Variants in TXNDC11 observed in about 807,000 individuals in gnomAD.
TXNDC11 encodes the protein thioredoxin domain-containing protein 11.
In TXNDC11, 68 loss-of-function variants were observed where a neutral mutation model predicts 78.0. The observed-to-expected ratio is 0.87, with a 90% CI of 0.72 to 1.07. The LOEUF (loss-of-function observed/expected upper bound fraction) is 1.07, where lower values mean the gene tolerates loss of function less well. Among genes scored for constraint, TXNDC11 ranks in the 50% least tolerant of loss-of-function variants. The probability of loss-of-function intolerance (pLI) is 0.00; values close to 1 mark genes in which losing one functional copy is unlikely to be tolerated. For missense variants in TXNDC11, 1,389 were observed against 1,221.8 expected (o/e 1.14, Z -2.04); for synonymous variants, 571 against 495.2 (o/e 1.15, Z -2.03).
chr16:11,724,583 G>T (rs2051817808), intron 4 of TXNDC11, among the ~76,000 whole-genome samples: 1 of 152,060 alleles, frequency 6.6e-6, no homozygotes, highest in South Asian at 2.1e-4. Flanking sequence ...GGGCAACATG[G>T]CAAGACCTCA....
intron 5 of TXNDC11, chr16:11,703,767 A>G (rs779843415): frequency 1.4e-6 from 1 of 700,678 alleles, no homozygotes; most frequent in South Asian, 1.5e-5. Context: ...TGAAGAAAGT[A>G]CAAGATAAGC....
intron 3 of TXNDC11, among the ~76,000 whole-genome samples, chr16:11,731,616 A>G (rs2052049818): frequency 2.0e-5 from 3 of 152,164 alleles, no homozygotes; most frequent in Non-Finnish European, 4.4e-5. Context: ...TACTGTTAAC[A>G]GCAACAAGAG....
At position 11,736,044 on chromosome 16, in the gene TXNDC11, C is replaced by T; in HGVS notation, c.444G>A (p.Glu148=). 1 of 1,614,114 alleles carries T rather than the reference C, an allele frequency of 6.2e-7. No individual in the cohort carries two copies. Among genetic ancestry groups the T allele is most frequent in the South Asian group, 1.1e-5 (1 of 91,080 alleles). Residue 148 remains glutamate (E), a synonymous_variant, in exon 2 of 12, where the codon GAG becomes GAA. Coordinates refer to ENST00000283033, the MANE Select transcript of TXNDC11 (RefSeq NM_015914.7). Reference sequence around the variant, plus strand: ...GATCTGAAAGCCGACTTGCTGCTTGCTCAATTTCTGCCCTGGCAGCGATGG... The same window carrying T: ...GATCTGAAAGCCGACTTGCTGCTTGTTCAATTTCTGCCCTGGCAGCGATGG... ...GQSIAARAEI[E]QAASRLSDQV... is the part of the protein sequence containing the mutation.
chr16:11,702,096 A>G (rs868099163), intron 5 of TXNDC11, among the ~76,000 whole-genome samples: 210 of 149,092 alleles, frequency 1.4e-3, no homozygotes, highest in South Asian at 5.0e-3. Flanking sequence ...GTATGTGTAT[A>G]TATATATATA....
chr16:11,685,181 T>C (rs2050531804), intron 10 of TXNDC11, among the ~76,000 whole-genome samples: 2 of 151,432 alleles, frequency 1.3e-5, no homozygotes, highest in African/African-American at 4.9e-5. Context: ...CTGGGCAACA[T>C]GGGGAAACCC....
chr16:11,704,912 TTTC>T (rs983511152), intron 5 of TXNDC11, among the ~76,000 whole-genome samples: 7 of 118,936 alleles, frequency 5.9e-5, no homozygotes, highest in Non-Finnish European at 1.4e-4. Flanking sequence ...CTTCTTTTTC[TTTC>T]TTTTTTTTTT....
intron 8 of TXNDC11, chr16:11,690,067 T>C (rs1241407500): frequency 6.6e-6 from 1 of 152,250 alleles, no homozygotes; most frequent in Non-Finnish European, 1.5e-5. Context: ...AAAAGACTCA[T>C]ATGTAGAAGC....
chr16:11,692,910 G>A (rs981832247), intron 7 of TXNDC11, among the ~76,000 whole-genome samples: 2 of 152,108 alleles, frequency 1.3e-5, no homozygotes, highest in Admixed American at 6.5e-5. Flanking sequence ...TGGGGACACC[G>A]GCTCCTCCAT....
rs732799 is a variant in TXNDC11 at position 11,691,024 on chromosome 16, G to A, written c.1900+266C>T. ...CTACCTTAGACATGTGACAGAAATCGCCAATTTAGAAAGTGGGACTCTTAC... is the reference window on the plus strand; with the variant it reads ...CTACCTTAGACATGTGACAGAAATCACCAATTTAGAAAGTGGGACTCTTAC... On this transcript the variant is annotated intron_variant, in intron 8 of 11. Transcript: ENST00000283033. 0.42 allele frequency: 194,259 copies of A among 461,948 alleles called. 44,759 individuals carry two copies. Among genetic ancestry groups the A allele is most frequent in the Non-Finnish European group, 0.49 (127,116 of 259,158 alleles). 28.6% of individuals were successfully genotyped at this position (461,948 alleles called of 1,614,324 possible).
At chr16:11,737,176 G>C (rs887826147) in intron 1 of TXNDC11, among the ~76,000 whole-genome samples, 2 of 152,120 alleles carry the variant, frequency 1.3e-5, no homozygotes, top group Admixed American at 1.3e-4. Flanking sequence ...ACCAGGCGTG[G>C]TGACTCAGCC....
chr16:11,709,136 ACTT>A (rs1351166468), intron 5 of TXNDC11, among the ~76,000 whole-genome samples: 2 of 152,210 alleles, frequency 1.3e-5, no homozygotes, highest in Non-Finnish European at 2.9e-5. Context: ...ATAGTTTCAA[ACTT>A]CTTAATATAA....
intron 5 of TXNDC11, among the ~76,000 whole-genome samples, chr16:11,702,682 GTAAA>G (rs568487853): frequency 4.4e-4 from 67 of 152,172 alleles, no homozygotes; most frequent in African/African-American, 1.6e-3. Flanking sequence ...TGCCTCCAAA[GTAAA>G]TAAATAAATT....
In TXNDC11 at chr16:11,679,402, C is replaced by G. The variant is rs1231230490; in HGVS notation, c.2670G>C (p.Glu890Asp). ...CCACCAGGATCTTGAGCCACGTGTT[C>G]TCGGTAAGGAGGTTTTCTGAGGCAT... ...LADASENLLT[E>D]NTWLKILVAT... The change falls in exon 12 of 12, where the codon GAG becomes GAC. Residue 890 changes from glutamate to aspartate, a missense_variant. Glu to Asp is a conservative substitution (Grantham distance 45). Coordinates refer to ENST00000283033, the MANE Select transcript of TXNDC11 (RefSeq NM_015914.7). The surrounding 1 kb of genome is among the most constrained non-coding windows in gnomAD (Gnocchi z 4.6). 6.2e-7 allele frequency: 1 copy of G among 1,612,172 alleles called. No individual in the cohort carries two copies. The highest frequency in any genetic ancestry group is 1.3e-5 in the African/African-American group (1 of 74,802).
At chr16:11,709,423 A>G (rs1368286216) in intron 5 of TXNDC11, among the ~76,000 whole-genome samples, 1 of 55,592 alleles carries the variant, frequency 1.8e-5, no homozygotes, top group African/African-American at 7.8e-5. Flanking sequence ...AATTTTTTGT[A>G]TTTTTTTTTT....
intron 5 of TXNDC11, chr16:11,721,376 T>G (rs577398772): frequency 1.3e-5 from 4 of 317,912 alleles, no homozygotes; most frequent in African/African-American, 8.8e-5. Flanking sequence ...GGGAGGCAGA[T>G]TCCAGTGAGC....
At chr16:11,736,831 T>G (rs2052235082) in intron 1 of TXNDC11, among the ~76,000 whole-genome samples, 2 of 152,192 alleles carry the variant, frequency 1.3e-5, no homozygotes, top group South Asian at 4.1e-4. Context: ...AACAGCCTAT[T>G]TAACTGGAAA....
intron 4 of TXNDC11, among the ~76,000 whole-genome samples, chr16:11,729,819 G>A (rs529861815): frequency 2.6e-5 from 4 of 152,270 alleles, no homozygotes; most frequent in African/African-American, 7.2e-5. Context: ...AGGGCTGGGC[G>A]TGGCGTCCCA....
At position 11,691,877 on chromosome 16, in the gene TXNDC11, G is replaced by C. The variant is rs1567300727; in HGVS notation, c.1313C>G (p.Thr438Ser). ...GACACAGAGTTCACAGACGTTGTGG[G>C]TCCTGGAGAAGGAGTGCCACTGGGG... is the stretch of plus-strand genomic sequence containing the variant. Reference protein sequence around the residue: ...VLPQWHSFSRTHNVCELCVNQ... With the variant: ...VLPQWHSFSRSHNVCELCVNQ... The change falls in exon 8 of 12, where the codon ACC (threonine) becomes AGC (serine). Residue 438 changes from threonine (T) to serine (S), a missense_variant. By Grantham distance (58) the Thr-to-Ser change is moderately conservative. Transcript: ENST00000283033. The C allele has an allele frequency of 6.8e-6, 11 of 1,614,110 alleles. No individual in the cohort carries two copies. The East Asian group carries it at 2.2e-4, about 33-fold the overall frequency.
At position 11,688,368 on chromosome 16, in the gene TXNDC11, G is replaced by T; in HGVS notation, c.1978C>A (p.Pro660Thr). ...ACTTCAGTGATTAAATGCTGAGACG[G>T]GAACTGGGCAGAGCCACTTCCAATG... Reference protein sequence around the residue: ...HLIGSGSAQFPSQHLITEVTT... With the variant: ...HLIGSGSAQFTSQHLITEVTT... The change falls in exon 9 of 12, where the codon CCG becomes ACG. Residue 660 changes from proline (P) to threonine (T), a missense_variant. Coordinates refer to ENST00000283033, the MANE Select transcript of TXNDC11 (RefSeq NM_015914.7). 6.2e-7 allele frequency: 1 copy of T among 1,614,126 alleles called. No homozygotes were observed. Among genetic ancestry groups the T allele is most frequent in the East Asian group, 2.2e-5 (1 of 44,886 alleles).
Sources: gnomAD v4.1 joint callset for allele counts (sites outside exome capture counted in the v4.1 genomes callset) on GRCh38, gnomAD v4.1.1 for gene constraint, Gnocchi (gnomAD v3.1) non-coding constraint, MANE v1.5 for transcripts, NCBI Gene and HGNC (gene_info 2026-07-23, HGNC 2026-07-21) for gene names.